Variants in CCL22 observed in about 807,000 individuals in gnomAD.
The protein encoded by CCL22 is C-C motif chemokine 22.
A neutral mutation model predicts 7.6 loss-of-function variants in CCL22; 7 were observed. The observed-to-expected ratio is 0.92, with a 90% confidence interval of 0.52 to 1.72. The LOEUF (loss-of-function observed/expected upper bound fraction) is 1.72. CCL22 is among the 40% of genes most tolerant of loss of function. The probability of loss-of-function intolerance (pLI) is 0.00; values close to 1 mark genes in which losing one functional copy is unlikely to be tolerated. For synonymous variants in CCL22, 55 were observed against 47.2 expected (o/e 1.17, Z -0.68); for missense variants, 115 against 124.7 (o/e 0.92, Z 0.37).
chr16:57,358,937 G>A (rs775807523), intron 1 of CCL22, 48 bp downstream of exon 1: 6 of 1,403,488 alleles, frequency 4.3e-6, no homozygotes, highest in Non-Finnish European at 6.1e-6. Flanking sequence ...AGGGCAGACG[G>A]TGGGGTGTCT....
Position 57,362,454 on chromosome 16 carries a change from A to AAATC in CCL22, c.198-1031_198-1028dup, listed in dbSNP as rs534924305. On this transcript the variant is annotated intron_variant, in intron 2 of 2. Coordinates refer to ENST00000219235, the MANE Select transcript of CCL22 (RefSeq NM_002990.5). The stretch of plus-strand genomic sequence containing the variant: ...TCAATAGAGTGAGACCCTGTCTCTA[A>AAATC]AATCAATCAATCAATCAATCAAATC... Among the ~76,000 whole-genome samples the AAATC allele has an allele frequency of 4.0e-4, 61 of 152,180 alleles. 2 individuals are homozygous for AAATC. In the South Asian group the frequency reaches 0.01, roughly 25 times the overall value.
chr16:57,358,782 T>G, upstream of CCL22: 2 of 1,532,954 alleles, frequency 1.3e-6, no homozygotes, highest in Non-Finnish European at 1.8e-6. Flanking sequence ...TATGTCCCTT[T>G]GCAGACACCT....
intron 2 of CCL22, among the ~76,000 whole-genome samples, chr16:57,361,258 C>CAAAAAAAA (rs68168072): frequency 1.7e-5 from 2 of 114,744 alleles, no homozygotes; most frequent in African/African-American, 7.2e-5. Flanking sequence ...GACTCTGTCT[C>CAAAAAAAA]AAAAAAAAAA....
At position 57,363,515 on chromosome 16, in the gene CCL22, T is replaced by G; in HGVS notation, c.209T>G (p.Phe70Cys). ...TCTCCTTCTTCCAGGTTGCTAACCT[T>G]CAGGGATAAGGAGATCTGTGCCGAT... The part of the protein sequence containing the change: ...CPRPGVVLLT[F>C]RDKEICADPR... The change falls in exon 3 of 3, where the codon TTC (phenylalanine) becomes TGC (cysteine). Residue 70 changes from phenylalanine to cysteine, a missense_variant. By Grantham distance (205) the Phe-to-Cys change is radical. Coordinates refer to ENST00000219235, the MANE Select transcript of CCL22 (RefSeq NM_002990.5). The G allele has an allele frequency of 6.2e-7, 1 of 1,612,698 alleles. No homozygotes were observed. The highest frequency in any genetic ancestry group is 8.5e-7 in the Non-Finnish European group (1 of 1,178,802).
intron 1 of CCL22, 147 bp downstream of exon 1, chr16:57,359,036 C>T (rs1360978897): frequency 2.9e-6 from 2 of 680,778 alleles, no homozygotes. Context: ...TGCAGTGCTT[C>T]TCTGGGCCTC....
chr16:57,365,726 G>A lies in CCL22; in HGVS notation c.*2138G>A, dbSNP rs658559. 0.54 allele frequency: 81,488 copies of A among 152,296 alleles called. 23,939 individuals carry two copies. Among genetic ancestry groups the A allele is most frequent in the Non-Finnish European group, 0.65 (44,553 of 68,202 alleles). The allele number at this position is 152,296 out of a possible 1,614,324, so 9.4% of individuals were successfully genotyped here. A position where few individuals can be genotyped will look rare whatever the true frequency, so the allele number is the denominator to read the frequency against. On this transcript the variant is annotated 3_prime_UTR_variant, in exon 3 of 3. Transcript: ENST00000219235. ...CAAAGTGCTGGGATTACAGGCGTGA[G>A]TCACTGCGCCTGGCTTCCTCTTCCT...
chr16:57,362,608 C>A (rs1902060451), intron 2 of CCL22, among the ~76,000 whole-genome samples: 1 of 152,020 alleles, frequency 6.6e-6, no homozygotes, highest in African/African-American at 2.4e-5. Flanking sequence ...CTCCTATAAT[C>A]CTAGCCTTTG....
chr16:57,363,428 G>A, intron 2 of CCL22, 76 bp from the exon 3 acceptor site: 1 of 913,662 alleles, frequency 1.1e-6, no homozygotes, highest in Non-Finnish European at 1.8e-6. Flanking sequence ...GCTCATAAAT[G>A]CTAAGCTCCC....
At chr16:57,358,474 C>G (rs1344481175), upstream of CCL22, among the ~76,000 whole-genome samples, 1 of 152,222 alleles carries the variant, frequency 6.6e-6, no homozygotes, top group Admixed American at 6.5e-5. Context: ...GATGGGGAAA[C>G]CAAGTCCCAG....
intron 1 of CCL22, 146 bp downstream of exon 1, chr16:57,359,035 T>C: frequency 1.5e-6 from 1 of 680,504 alleles, no homozygotes; most frequent in Non-Finnish European, 2.7e-6. Flanking sequence ...TTGCAGTGCT[T>C]CTCTGGGCCT....
rs1323382718 is a variant in CCL22 at position 57,360,487 on chromosome 16, C to T, written c.124C>T (p.Arg42Cys). 16 of 1,614,120 alleles carry T rather than the reference C, an allele frequency of 9.9e-6. No individual in the cohort carries two copies. Among genetic ancestry groups the T allele is most frequent in the African/African-American group, 1.3e-5 (1 of 74,944 alleles). ...EDSVCCRDYV[R>C]YRLPLRVVKH... ...CAGCGTCTGCTGCCGTGATTACGTC[C>T]GTTACCGTCTGCCCCTGCGCGTGGT... is the stretch of plus-strand genomic sequence containing the variant. Residue 42 changes from arginine to cysteine, a missense_variant, in exon 2 of 3, where the codon CGT becomes TGT. Coordinates refer to ENST00000219235, the MANE Select transcript of CCL22 (RefSeq NM_002990.5).
chr16:57,364,523 C>T lies in CCL22; in HGVS notation c.*935C>T, dbSNP rs933304717. 4.7e-5 allele frequency: 7 copies of T among 149,374 alleles called. No homozygotes were observed. Among genetic ancestry groups the T allele is most frequent in the South Asian group, 2.1e-4 (1 of 4,702 alleles). The allele number at this position is 149,374 out of a possible 1,614,324, so 9.3% of individuals were successfully genotyped here. On this transcript the variant is annotated 3_prime_UTR_variant, in exon 3 of 3. Transcript: ENST00000219235. ...GATGGAGTTTCGCTCTTGTCACCCA[C>T]GCTGGAGTGCAATGGTGTGGTCTTG...
intron 2 of CCL22, 111 bp downstream of exon 2, chr16:57,360,671 G>GCATCT: frequency 7.4e-7 from 1 of 1,343,774 alleles, no homozygotes. Context: ...AATGTGGCAG[G>GCATCT]GCTACCAGAT....
At chr16:57,363,237 C>A (rs1367075664) in intron 2 of CCL22, among the ~76,000 whole-genome samples, 1 of 152,182 alleles carries the variant, frequency 6.6e-6, no homozygotes, top group Non-Finnish European at 1.5e-5. Context: ...TCAAACAATC[C>A]TCCTGCCTCG....
upstream of CCL22, chr16:57,358,780 T>G: frequency 6.6e-7 from 1 of 1,523,684 alleles, no homozygotes; most frequent in Non-Finnish European, 9.1e-7. Flanking sequence ...CCTATGTCCC[T>G]TTGCAGACAC....
chr16:57,358,716 G>T, upstream of CCL22: 1 of 850,402 alleles, frequency 1.2e-6, no homozygotes, highest in South Asian at 1.3e-5. Flanking sequence ...CGGTGACTAA[G>T]AGGTAAGTAA....
rs1902075939 is a variant in CCL22 at position 57,363,825 on chromosome 16, A to G, written c.*237A>G. ...GCAGTCAGAGGGTCCTGTTCCCATC[A>G]GCGATTCCCCTGCTTAAACCCTTCC... On this transcript the variant is annotated 3_prime_UTR_variant, in exon 3 of 3. Coordinates refer to ENST00000219235, the MANE Select transcript of CCL22 (RefSeq NM_002990.5). The G allele has an allele frequency of 7.0e-5, 35 of 496,836 alleles. No homozygotes were observed. In the South Asian group the frequency reaches 8.5e-4, roughly 12 times the overall value. 30.8% of individuals were successfully genotyped at this position (496,836 alleles called of 1,614,324 possible). A position where few individuals can be genotyped will look rare whatever the true frequency, so the allele number is the denominator to read the frequency against.
At position 57,365,135 on chromosome 16, in the gene CCL22, CCTTT is replaced by C. The variant is rs1902094840; in HGVS notation, c.*1551_*1554del. The C allele has an allele frequency of 6.6e-6, 1 of 151,990 alleles. No individual in the cohort carries two copies. The highest frequency in any genetic ancestry group is 1.5e-5 in the Non-Finnish European group (1 of 68,044). 9.4% of individuals were successfully genotyped at this position (151,990 alleles called of 1,614,324 possible). On this transcript the variant is annotated 3_prime_UTR_variant, in exon 3 of 3. Coordinates refer to ENST00000219235, the MANE Select transcript of CCL22 (RefSeq NM_002990.5). ...TTTTTCCTAATAGGAGACTCCTGTACCTTTCTTCGTTTTACCTATGTGTCGTGTC... is the reference window on the plus strand; with the variant it reads ...TTTTTCCTAATAGGAGACTCCTGTACCTTCGTTTTACCTATGTGTCGTGTC...
Position 57,363,646 on chromosome 16 carries a change from C to A in CCL22, c.*58C>A. The A allele has an allele frequency of 1.9e-6, 2 of 1,066,112 alleles. No individual in the cohort carries two copies. The highest frequency in any genetic ancestry group is 1.3e-5 in the South Asian group (1 of 78,806). The allele number at this position is 1,066,112 out of a possible 1,614,324, so 66.0% of individuals were successfully genotyped here. ...CTCCAGGAAGGCTCAGGAGCCCTAC[C>A]TCCCTGCCATTATAGCTGCTCCCCG... On this transcript the variant is annotated 3_prime_UTR_variant, in exon 3 of 3. Transcript: ENST00000219235.
Sources: allele counts gnomAD v4.1 joint callset (sites outside exome capture counted in the v4.1 genomes callset), GRCh38; gene constraint gnomAD v4.1.1; transcripts MANE v1.5; gene names NCBI Gene and HGNC (gene_info 2026-07-23, HGNC 2026-07-21).